ATRNL1: variants seen among roughly 807,000 people sequenced by gnomAD.
ATRNL1 encodes the protein attractin like 1, also known as attractin-like protein 1.
In ATRNL1, 95 loss-of-function variants were observed where a neutral mutation model predicts 182.7. The ratio of observed to expected loss-of-function variants is 0.52; its 90% CI spans 0.44 to 0.62. ATRNL1 has a LOEUF of 0.62. ATRNL1 is among the 20% of genes least tolerant of loss of function. The pLI is 0.00. For missense variants in ATRNL1, 1,471 were observed against 1,679.5 expected, an observed-to-expected ratio of 0.88 and a Z score of 2.17; for synonymous variants, 576 against 568.3, an observed-to-expected ratio of 1.01 and a Z score of -0.19.
chr10:115,780,652 G>A (rs1555079120), intron 27 of ATRNL1, among the ~76,000 whole-genome samples: 1 of 152,170 alleles, frequency 6.6e-6, no homozygotes. Flanking sequence ...TCAGAGTCAT[G>A]AGGCCCCCTT....
chr10:115,652,660 G>A (rs782259439), intron 26 of ATRNL1, among the ~76,000 whole-genome samples: 1 of 151,808 alleles, frequency 6.6e-6, no homozygotes, highest in South Asian at 2.1e-4. Flanking sequence ...TATATTCGAG[G>A]TCTCATATAC....
chr10:115,881,069 A>G (rs560391292), intron 28 of ATRNL1, among the ~76,000 whole-genome samples: 6 of 152,252 alleles, frequency 3.9e-5, no homozygotes, highest in South Asian at 4.1e-4. Context: ...CTGTGCCCTC[A>G]ATGCGTGGCC....
chr10:115,690,873 G>T (rs1279188489), intron 26 of ATRNL1, among the ~76,000 whole-genome samples: 1 of 152,102 alleles, frequency 6.6e-6, no homozygotes, highest in Non-Finnish European at 1.5e-5. Context: ...TTCTGTGGGC[G>T]TAAGAACTCT....
intron 27 of ATRNL1, among the ~76,000 whole-genome samples, chr10:115,825,638 ATC>A (rs1555091759): frequency 6.6e-6 from 1 of 151,966 alleles, no homozygotes; most frequent in African/African-American, 2.4e-5. Flanking sequence ...CTCCATTTGT[ATC>A]TCTCAACTTT....
intron 28 of ATRNL1, among the ~76,000 whole-genome samples, chr10:115,886,450 G>T (rs1472489738): frequency 2.6e-5 from 4 of 152,202 alleles, no homozygotes; most frequent in African/African-American, 9.7e-5. Flanking sequence ...TGAGGCGGAG[G>T]TTGCAGTGAG....
At chr10:115,447,772 T>C (rs1315680850) in intron 21 of ATRNL1, among the ~76,000 whole-genome samples, 1 of 151,906 alleles carries the variant, frequency 6.6e-6, no homozygotes, top group Non-Finnish European at 1.5e-5. Flanking sequence ...TGGAAGTTCT[T>C]TGAGATATAC....
At chr10:115,109,067 CA>C (rs1446039568) in intron 1 of ATRNL1, among the ~76,000 whole-genome samples, 1 of 152,160 alleles carries the variant, frequency 6.6e-6, no homozygotes, top group Non-Finnish European at 1.5e-5. Flanking sequence ...GTAATCTCTA[CA>C]AAGTTTTAGG....
intron 1 of ATRNL1, among the ~76,000 whole-genome samples, chr10:115,101,763 T>A (rs969362071): frequency 6.6e-6 from 1 of 152,174 alleles, no homozygotes. Flanking sequence ...TTTTAGGGAA[T>A]TGGCATTATT....
chr10:115,156,586 T>G (rs1554882147), intron 5 of ATRNL1, among the ~76,000 whole-genome samples: 2 of 152,122 alleles, frequency 1.3e-5, no homozygotes, highest in African/African-American at 2.4e-5. Flanking sequence ...AGCCCGACAC[T>G]AATGCTTAAA....
chr10:115,318,621 T>C (rs1464243280), intron 18 of ATRNL1, among the ~76,000 whole-genome samples: 1 of 151,876 alleles, frequency 6.6e-6, no homozygotes, highest in African/African-American at 2.4e-5. Context: ...CTTGGGAGGG[T>C]GTGTGTATGT....
At chr10:115,105,138 T>A (rs1554865573) in intron 1 of ATRNL1, among the ~76,000 whole-genome samples, 1 of 152,226 alleles carries the variant, frequency 6.6e-6, no homozygotes, top group Non-Finnish European at 1.5e-5. Flanking sequence ...TAGATTGGTT[T>A]GGATAGTATG....
At chr10:115,122,499 A>G (rs1844786319) in intron 3 of ATRNL1, among the ~76,000 whole-genome samples, 1 of 151,914 alleles carries the variant, frequency 6.6e-6, no homozygotes, top group South Asian at 2.1e-4. Flanking sequence ...TAAGTTACTC[A>G]TTATATTATT....
At chr10:115,820,683 C>T (rs570185951) in intron 27 of ATRNL1, among the ~76,000 whole-genome samples, 56 of 152,200 alleles carry the variant, frequency 3.7e-4, no homozygotes, top group African/African-American at 1.3e-3. Context: ...CCTTCAGATC[C>T]TCATCTGAGA....
intron 19 of ATRNL1, among the ~76,000 whole-genome samples, chr10:115,338,321 C>G (rs1363973878): frequency 6.6e-6 from 1 of 152,186 alleles, no homozygotes; most frequent in Admixed American, 6.5e-5. Flanking sequence ...AAACTTTTCT[C>G]CATAGTACTT....
chr10:115,717,591 A>ACCTGGG lies in ATRNL1; in HGVS notation c.3796-9655_3796-9650dup, dbSNP rs1246967339. Among the ~76,000 whole-genome samples, 6 of 118,242 alleles carry ACCTGGG rather than the reference A, an allele frequency of 5.1e-5. No homozygotes were observed. The East Asian group carries it at 1.6e-3, about 32-fold the overall frequency. 77.6% of individuals were successfully genotyped at this position (118,242 alleles called of 152,430 possible). A position where few individuals can be genotyped will look rare whatever the true frequency, so the allele number is the denominator to read the frequency against. ...TTTTGAGATGGAGTCTCGCTCTGTC[A>ACCTGGG]CCTGGGCTAGAGTGCAGTGGTGCAA... On this transcript the variant is annotated intron_variant, in intron 26 of 28. Coordinates refer to ENST00000355044, the MANE Select transcript of ATRNL1 (RefSeq NM_207303.4).
intron 1 of ATRNL1, among the ~76,000 whole-genome samples, chr10:115,109,130 T>A (rs1237732010): frequency 1.3e-5 from 2 of 151,700 alleles, no homozygotes; most frequent in Non-Finnish European, 2.9e-5. Flanking sequence ...CTTAATGTTC[T>A]TTTCATACCA....
intron 1 of ATRNL1, among the ~76,000 whole-genome samples, chr10:115,114,201 TATAGAAGAATGAA>T (rs1400483964): frequency 1.3e-5 from 2 of 152,112 alleles, no homozygotes; most frequent in African/African-American, 4.8e-5. Context: ...GGTATCCAGA[TATAGAAGAATGAA>T]ATTAAACCCT....
At position 115,093,580 on chromosome 10, in the gene ATRNL1, C is replaced by T; in HGVS notation, c.-171C>T. On this transcript the variant is annotated 5_prime_UTR_variant, in exon 1 of 29. Transcript: ENST00000355044. This position sits in a 1 kb window ranked among gnomAD's most constrained non-coding sequence, Gnocchi z 6.1. The stretch of plus-strand genomic sequence containing the variant: ...GCGACTGGAGGCAGCCGAGCGGAGG[C>T]GACGGCGGTTGGGATCTGTCCCTCC... 2.6e-6 allele frequency: 2 copies of T among 763,774 alleles called. No homozygotes were observed. The highest frequency in any genetic ancestry group is 4.4e-6 in the Non-Finnish European group (2 of 452,146). 47.3% of individuals were successfully genotyped at this position (763,774 alleles called of 1,614,324 possible). A position where few individuals can be genotyped will look rare whatever the true frequency, so the allele number is the denominator to read the frequency against.
intron 27 of ATRNL1, among the ~76,000 whole-genome samples, chr10:115,803,980 AC>A (rs1949859317): frequency 6.6e-6 from 1 of 152,130 alleles, no homozygotes; most frequent in African/African-American, 2.4e-5. Flanking sequence ...AACGATTTTG[AC>A]TCATACCACT....
Sources: allele counts gnomAD v4.1 joint callset (sites outside exome capture counted in the v4.1 genomes callset), GRCh38; gene constraint gnomAD v4.1.1; non-coding constraint Gnocchi (gnomAD v3.1); transcripts MANE v1.5; gene names NCBI Gene and HGNC (gene_info 2026-07-23, HGNC 2026-07-21).